FOXN1: variants seen among roughly 807,000 people sequenced by gnomAD.
FOXN1 encodes forkhead box protein N1.
Under a neutral mutation model 49.0 loss-of-function variants are expected in FOXN1, and 15 were observed. That is an observed-to-expected ratio of 0.31 (90% CI 0.20 to 0.47). The LOEUF (loss-of-function observed/expected upper bound fraction) is 0.47. Among genes scored for constraint, FOXN1 ranks in the 20% least tolerant of loss-of-function variants. FOXN1 has a pLI of 1.00. For missense variants in FOXN1, 800 were observed against 842.8 expected, an observed-to-expected ratio of 0.95 and a Z score of 0.63; for synonymous variants, 356 against 369.0, an observed-to-expected ratio of 0.96 and a Z score of 0.40.
Position 28,524,750 on chromosome 17 carries a change from A to G in FOXN1, c.371A>G (p.His124Arg). 1 of 1,613,126 alleles carries G rather than the reference A, an allele frequency of 6.2e-7. No individual in the cohort carries two copies. The highest frequency in any genetic ancestry group is 8.5e-7 in the Non-Finnish European group (1 of 1,179,710). The change falls in exon 3 of 9, where the codon CAC (histidine) becomes CGC (arginine). Residue 124 changes from histidine to arginine, a missense_variant. His to Arg is a conservative substitution (Grantham distance 29). This residue lies in a region of FOXN1 where 383 missense variants were observed against 357.9 expected (regional missense o/e 1.07). Coordinates refer to ENST00000579795, the MANE Select transcript of FOXN1 (RefSeq NM_001369369.1). ...RFLKGSHAPFHPYKRPFHEDV... is the reference protein window; with the variant it reads ...RFLKGSHAPFRPYKRPFHEDV... ...CTCAAGGGCAGCCACGCGCCCTTCC[A>G]CCCGTACAAGCGGCCTTTCCATGAG...
At chr17:28,531,888 G>T (rs2069923453) in intron 6 of FOXN1, among the ~76,000 whole-genome samples, 1 of 152,172 alleles carries the variant, frequency 6.6e-6, no homozygotes, top group Non-Finnish European at 1.5e-5. Context: ...TGAGGAGTGG[G>T]CAAGTTGGCC....
intron 5 of FOXN1, among the ~76,000 whole-genome samples, chr17:28,529,584 C>G (rs1207619217): frequency 5.9e-5 from 9 of 152,170 alleles, no homozygotes; most frequent in Non-Finnish European, 1.2e-4. Flanking sequence ...CGGAAGCCCC[C>G]CTCAAAGCTC....
chr17:28,521,625 G>A (rs1277373582), intron 1 of FOXN1, among the ~76,000 whole-genome samples: 2 of 152,242 alleles, frequency 1.3e-5, no homozygotes, highest in Non-Finnish European at 2.9e-5. Flanking sequence ...CAGGCGCCAG[G>A]ACATCAAGAA....
chr17:28,520,557 T>C (rs996084925), intron 1 of FOXN1, among the ~76,000 whole-genome samples: 7 of 152,262 alleles, frequency 4.6e-5, no homozygotes, highest in African/African-American at 1.4e-4. Flanking sequence ...TCTGCATAAC[T>C]TCCTTGGTTC....
In FOXN1 at chr17:28,524,523, C is replaced by T; in HGVS notation, c.144C>T (p.Cys48=). The change falls in exon 3 of 9, where the codon TGC becomes TGT. Residue 48 remains cysteine (C), a synonymous_variant. Transcript: ENST00000579795. The stretch of plus-strand genomic sequence containing the variant: ...CCCAGAAGCATGCCGGCTTCAGCTG[C>T]TCGTCATTTGTGTCCGACGGCCCTC... The part of the protein sequence containing the change: ...APQSKHAGFS[C]SSFVSDGPPE... The T allele has an allele frequency of 6.2e-7, 1 of 1,613,788 alleles. No homozygotes were observed. Among genetic ancestry groups the T allele is most frequent in the Middle Eastern group, 1.6e-4 (1 of 6,062 alleles).
intron 1 of FOXN1, among the ~76,000 whole-genome samples, chr17:28,510,767 A>G (rs2069379245): frequency 6.6e-6 from 1 of 152,242 alleles, no homozygotes; most frequent in Non-Finnish European, 1.5e-5. Flanking sequence ...TTGGGCACCA[A>G]GAGCATGTGG....
rs2070125720 is a variant in FOXN1 at position 28,538,465 on chromosome 17, A to G, written c.*1029A>G. ...GATAAACCCATTGTAAATTGAAACCACCGAAAGTCAAAAACCACTTTCGAC... is the reference window on the plus strand; with the variant it reads ...GATAAACCCATTGTAAATTGAAACCGCCGAAAGTCAAAAACCACTTTCGAC... On this transcript the variant is annotated 3_prime_UTR_variant, in exon 9 of 9. Transcript: ENST00000579795. 1 of 152,240 alleles carries G rather than the reference A, an allele frequency of 6.6e-6. No homozygotes were observed. Among genetic ancestry groups the G allele is most frequent in the African/African-American group, 2.4e-5 (1 of 41,446 alleles). 9.4% of individuals were successfully genotyped at this position (152,240 alleles called of 1,614,324 possible).
At chr17:28,514,811 C>A (rs560267190) in intron 1 of FOXN1, among the ~76,000 whole-genome samples, 2 of 152,234 alleles carry the variant, frequency 1.3e-5, no homozygotes, top group South Asian at 2.1e-4. Context: ...GTGCCCCAGG[C>A]CTGTCTGTCC....
At chr17:28,530,072 A>C (rs1188896086) in intron 5 of FOXN1, among the ~76,000 whole-genome samples, 1 of 152,116 alleles carries the variant, frequency 6.6e-6, no homozygotes, top group Non-Finnish European at 1.5e-5. Context: ...GTTAGGAGAA[A>C]TATCTAATGT....
chr17:28,529,443 G>GTGA lies in FOXN1; in HGVS notation c.830+220_830+222dup, dbSNP rs560695152. ...TGTCTAAGCCTGGGGAGTCATGTCTGTGACTTGACTCAGCAGATGCTGGTG... is the reference window on the plus strand; with the variant it reads ...TGTCTAAGCCTGGGGAGTCATGTCTGTGATGACTTGACTCAGCAGATGCTGGTG... On this transcript the variant is annotated intron_variant, in intron 5 of 8. Coordinates refer to ENST00000579795, the MANE Select transcript of FOXN1 (RefSeq NM_001369369.1). 1.1e-4 allele frequency among the ~76,000 whole-genome samples: 17 copies of GTGA among 152,308 alleles called. No homozygotes were observed. In the East Asian group the frequency reaches 2.9e-3, roughly 26 times the overall value.
chr17:28,531,961 G>A, intron 6 of FOXN1, among the ~76,000 whole-genome samples: 1 of 152,174 alleles, frequency 6.6e-6, no homozygotes, highest in East Asian at 1.9e-4. Flanking sequence ...AAGGGAAAGA[G>A]GGAGGGAGGT....
chr17:28,507,590 C>T (rs2069291494), intron 1 of FOXN1, among the ~76,000 whole-genome samples: 1 of 152,206 alleles, frequency 6.6e-6, no homozygotes, highest in African/African-American at 2.4e-5. Context: ...TCAGTTTCCT[C>T]ACAATCATGA....
Position 28,512,865 on chromosome 17 carries a change from G to A in FOXN1, c.-15+6422G>A, listed in dbSNP as rs555132447. ...TAAGAGCAAAAGATCCCTGGAGGCC[G>A]AGGATGCTTAGGTGGGAGGTCTCTG... On this transcript the variant is annotated intron_variant, in intron 1 of 8. Transcript: ENST00000579795. Among the ~76,000 whole-genome samples the A allele has an allele frequency of 3.3e-5, 5 of 152,258 alleles. No individual in the cohort carries two copies. The East Asian group carries it at 5.8e-4, about 18-fold the overall frequency.
At chr17:28,528,456 G>T (rs1459423226) in intron 4 of FOXN1, among the ~76,000 whole-genome samples, 7 of 80,260 alleles carry the variant, frequency 8.7e-5, no homozygotes, top group African/African-American at 3.7e-4. Context: ...CACACCCAGG[G>T]CTTTATGGAG....
At chr17:28,523,338 C>T (rs1362228255) in intron 1 of FOXN1, among the ~76,000 whole-genome samples, 1 of 152,224 alleles carries the variant, frequency 6.6e-6, no homozygotes, top group East Asian at 1.9e-4. Flanking sequence ...GGCCTCCAGG[C>T]AACCGGGGGC....
In FOXN1 at chr17:28,534,498, G is replaced by T. The variant is rs761738547; in HGVS notation, c.1095G>T (p.Arg365Ser). ...AAGAGGAGCTGCAAAAATGGAAGAG[G>T]AAAGATCCCATTGCTGTGCGCAAAA... ...KMQEELQKWKRKDPIAVRKSM... is the reference protein window; with the variant it reads ...KMQEELQKWKSKDPIAVRKSM... The change falls in exon 7 of 9, where the codon AGG becomes AGT. Residue 365 changes from arginine (R) to serine (S), a missense_variant. Physicochemically the swap from Arg to Ser is moderately radical, Grantham distance 110. Around this residue, in one of 3 missense-constraint regions of FOXN1, gnomAD observed 344 missense variants for 366.1 expected, o/e 0.94. Coordinates refer to ENST00000579795, the MANE Select transcript of FOXN1 (RefSeq NM_001369369.1). The surrounding 1 kb of genome is among the most constrained non-coding windows in gnomAD (Gnocchi z 4.1). The T allele has an allele frequency of 6.2e-7, 1 of 1,613,704 alleles. No individual in the cohort carries two copies. Among genetic ancestry groups the T allele is most frequent in the Non-Finnish European group, 8.5e-7 (1 of 1,179,978 alleles).
intron 1 of FOXN1, among the ~76,000 whole-genome samples, chr17:28,510,406 A>G (rs1427606645): frequency 6.6e-6 from 1 of 152,108 alleles, no homozygotes; most frequent in Non-Finnish European, 1.5e-5. Context: ...ACGCGCACGC[A>G]CACACACAGA....
At chr17:28,517,829 G>A (rs1367803934) in intron 1 of FOXN1, among the ~76,000 whole-genome samples, 2 of 132,776 alleles carry the variant, frequency 1.5e-5, no homozygotes, top group East Asian at 2.3e-4. Flanking sequence ...CCTCCACAGG[G>A]TACACACCTC....
At chr17:28,517,681 TACCTCCACAGGGTACAC>T (rs2069551224) in intron 1 of FOXN1, among the ~76,000 whole-genome samples, 1 of 22,820 alleles carries the variant, frequency 4.4e-5, no homozygotes, top group South Asian at 1.2e-3. Context: ...ACAGGATCCA[TACCTCCACAGGGTACAC>T]ACCTCCACAG....
Sources: allele counts gnomAD v4.1 joint callset (sites outside exome capture counted in the v4.1 genomes callset), GRCh38; gene constraint gnomAD v4.1.1; regional missense constraint gnomAD v4.1.1; non-coding constraint Gnocchi (gnomAD v3.1); transcripts MANE v1.5; gene names NCBI Gene and HGNC (gene_info 2026-07-23, HGNC 2026-07-21).